The following ALK variants were observed in gnomAD, a reference collection of about 807,000 sequenced individuals.
ALK encodes the protein ALK tyrosine kinase receptor.
A neutral mutation model predicts 163.1 loss-of-function variants in ALK; 74 were observed. The observed-to-expected ratio is 0.45, with a 90% confidence interval of 0.38 to 0.55. The LOEUF (loss-of-function observed/expected upper bound fraction) is 0.55. ALK is among the 20% of genes least tolerant of loss of function. The probability of loss-of-function intolerance (pLI) is 0.00; values close to 1 mark genes in which losing one functional copy is unlikely to be tolerated. For synonymous variants in ALK, 960 were observed against 843.2 expected (o/e 1.14, Z -2.40); for missense variants, 2,063 against 2,105.3 (o/e 0.98, Z 0.39).
At chr2:29,627,264 C>T (rs1676217875) in intron 3 of ALK, among the ~76,000 whole-genome samples, 1 of 152,200 alleles carries the variant, frequency 6.6e-6, no homozygotes, top group Non-Finnish European at 1.5e-5. Flanking sequence ...TCTCCAGCCC[C>T]AGCTGCCCTC....
intron 5 of ALK, among the ~76,000 whole-genome samples, chr2:29,374,456 C>T (rs1167825577): frequency 6.6e-6 from 1 of 150,442 alleles, no homozygotes; most frequent in Admixed American, 6.6e-5. Flanking sequence ...CACTTCACTG[C>T]TAATTGAGAT....
chr2:29,229,432 C>G (rs1174737426), intron 15 of ALK, among the ~76,000 whole-genome samples: 1 of 152,214 alleles, frequency 6.6e-6, no homozygotes, highest in Non-Finnish European at 1.5e-5. Flanking sequence ...TCATGTCAGC[C>G]AAGCCCCGTA....
At chr2:29,802,525 A>AGGG (rs1664505232) in intron 1 of ALK, among the ~76,000 whole-genome samples, 11 of 5,474 alleles carry the variant, frequency 2.0e-3, no homozygotes, top group African/African-American at 3.5e-3. Flanking sequence ...AGGGGAGGGG[A>AGGG]GAGGAGGGGA....
intron 4 of ALK, among the ~76,000 whole-genome samples, chr2:29,467,389 CAA>C (rs1671239325): frequency 6.6e-6 from 1 of 152,186 alleles, no homozygotes; most frequent in Non-Finnish European, 1.5e-5. Context: ...TGGCAGTGAA[CAA>C]GCCCTCAGAG....
intron 1 of ALK, among the ~76,000 whole-genome samples, chr2:29,785,117 C>T (rs1663974862): frequency 6.6e-6 from 1 of 152,116 alleles, no homozygotes; most frequent in African/African-American, 2.4e-5. Flanking sequence ...GCTGGGCCTA[C>T]ACTCTGGCCA....
At chr2:29,317,825 C>CA (rs397733069) in intron 8 of ALK, among the ~76,000 whole-genome samples, 1 of 151,468 alleles carries the variant, frequency 6.6e-6, no homozygotes, top group East Asian at 1.9e-4. Flanking sequence ...TCCACCCACA[C>CA]CAATGAGATA....
At chr2:29,785,358 G>C (rs1380426138) in intron 1 of ALK, among the ~76,000 whole-genome samples, 1 of 152,166 alleles carries the variant, frequency 6.6e-6, no homozygotes, top group African/African-American at 2.4e-5. Flanking sequence ...AGGAAAACCA[G>C]ACTCAGCTTT....
intron 26 of ALK, among the ~76,000 whole-genome samples, chr2:29,206,544 T>A (rs1174259185): frequency 6.6e-6 from 1 of 152,100 alleles, no homozygotes; most frequent in Non-Finnish European, 1.5e-5. Context: ...AGTATTGGGA[T>A]TACAGGCATG....
At chr2:29,717,809 C>T (rs1428936338) in intron 1 of ALK, 112 bp from the exon 2 acceptor site, 21 of 1,452,946 alleles carry the variant, frequency 1.4e-5, no homozygotes, top group South Asian at 3.5e-5. Flanking sequence ...TGACATCCAT[C>T]GGGAAGATGA....
intron 4 of ALK, among the ~76,000 whole-genome samples, chr2:29,440,231 C>G (rs1670502504): frequency 6.6e-6 from 1 of 151,596 alleles, no homozygotes; most frequent in Non-Finnish European, 1.5e-5. Context: ...AAGACTCCAT[C>G]TCAAAAACAA....
intron 1 of ALK, among the ~76,000 whole-genome samples, chr2:29,900,638 G>C (rs554512214): frequency 6.6e-6 from 1 of 152,076 alleles, no homozygotes; most frequent in East Asian, 1.9e-4. Context: ...GTCAGAAGCA[G>C]TAACCAGCAA....
intron 1 of ALK, among the ~76,000 whole-genome samples, chr2:29,777,151 A>T (rs1214630599): frequency 6.6e-6 from 1 of 152,216 alleles, no homozygotes; most frequent in Non-Finnish European, 1.5e-5. Flanking sequence ...CATACACTAA[A>T]CTAGCATTTG....
At chr2:29,820,309 A>G (rs1356896855) in intron 1 of ALK, among the ~76,000 whole-genome samples, 1 of 152,208 alleles carries the variant, frequency 6.6e-6, no homozygotes, top group Non-Finnish European at 1.5e-5. Flanking sequence ...ATGAGCCATT[A>G]TGGAAGCAGA....
chr2:29,658,739 A>C (rs1372330085), intron 3 of ALK, among the ~76,000 whole-genome samples: 3 of 152,314 alleles, frequency 2.0e-5, no homozygotes, highest in African/African-American at 7.2e-5. Context: ...GAGTGGATTA[A>C]GTGATACAAA....
At chr2:29,830,476 T>C (rs12623676) in intron 1 of ALK, among the ~76,000 whole-genome samples, 43,305 of 151,828 alleles carry the variant, frequency 0.29, 7,079 homozygotes, top group East Asian at 0.47. Context: ...AGGAGCCCTA[T>C]TGACACAAGG....
intron 1 of ALK, among the ~76,000 whole-genome samples, chr2:29,913,071 C>T (rs1667748510): frequency 6.6e-6 from 1 of 152,028 alleles, no homozygotes. Flanking sequence ...TATTCTTACT[C>T]TAAGGATTTC....
At chr2:29,341,996 G>C (rs565569638) in intron 5 of ALK, among the ~76,000 whole-genome samples, 2 of 152,292 alleles carry the variant, frequency 1.3e-5, no homozygotes, top group South Asian at 4.1e-4. Flanking sequence ...AGGCAGGAAG[G>C]ATAAATAACA....
intron 3 of ALK, among the ~76,000 whole-genome samples, chr2:29,615,846 A>G (rs1329604913): frequency 6.6e-6 from 1 of 152,244 alleles, no homozygotes; most frequent in African/African-American, 2.4e-5. Context: ...CTTGAGCTGC[A>G]AGGAATACCT....
At chr2:29,499,566 C>G (rs2148130988) in intron 4 of ALK, among the ~76,000 whole-genome samples, 1 of 152,270 alleles carries the variant, frequency 6.6e-6, no homozygotes, top group South Asian at 2.1e-4. Context: ...ATACTTTTCT[C>G]CCACACATCT....
Sources: allele counts gnomAD v4.1 joint callset (sites outside exome capture counted in the v4.1 genomes callset), GRCh38; gene constraint gnomAD v4.1.1; transcripts MANE v1.5; gene names NCBI Gene and HGNC (gene_info 2026-07-23, HGNC 2026-07-21).